Variants in PCDHA7 observed in about 807,000 individuals in gnomAD.
PCDHA7 encodes the protein protocadherin alpha 7.
Under a neutral mutation model 57.2 loss-of-function variants are expected in PCDHA7, and 37 were observed. The ratio of observed to expected loss-of-function variants is 0.65; its 90% confidence interval spans 0.50 to 0.85. PCDHA7 has a LOEUF of 0.85. Among genes scored for constraint, PCDHA7 ranks in the 40% least tolerant of loss-of-function variants. PCDHA7 has a pLI of 0.00. For missense variants in PCDHA7, 1,188 were observed against 1,241.8 expected (o/e 0.96, Z 0.65); for synonymous variants, 553 against 558.8 (o/e 0.99, Z 0.15).
chr5:140,880,739 A>G (rs1349403476), intron 1 of PCDHA7, among the ~76,000 whole-genome samples: 1 of 152,204 alleles, frequency 6.6e-6, no homozygotes, highest in South Asian at 2.1e-4. Context: ...GAGAAAATGG[A>G]TTGTCAGTGT....
intron 3 of PCDHA7, among the ~76,000 whole-genome samples, chr5:140,993,468 A>T (rs1327306188): frequency 7.2e-5 from 5 of 69,412 alleles, no homozygotes; most frequent in Non-Finnish European, 1.2e-4. Flanking sequence ...TTTCTCACAC[A>T]CACACACACA....
intron 1 of PCDHA7, chr5:140,883,657 C>T: frequency 1.2e-6 from 2 of 1,613,594 alleles, no homozygotes; most frequent in Non-Finnish European, 1.7e-6. Context: ...ACACGGTGTT[C>T]GTGAAGGAAA....
chr5:140,931,759 T>C (rs2087738384), intron 1 of PCDHA7, among the ~76,000 whole-genome samples: 2 of 151,994 alleles, frequency 1.3e-5, no homozygotes, highest in African/African-American at 4.8e-5. Flanking sequence ...GCATTTGTTA[T>C]TTACTTCTTC....
intron 1 of PCDHA7, chr5:140,929,118 A>G: frequency 2.5e-6 from 4 of 1,614,150 alleles, no homozygotes; most frequent in Non-Finnish European, 3.4e-6. Flanking sequence ...CAGCCACCAT[A>G]GATGTCACTA....
At chr5:140,915,190 G>A (rs1317793585) in intron 1 of PCDHA7, among the ~76,000 whole-genome samples, 1 of 151,978 alleles carries the variant, frequency 6.6e-6, no homozygotes, top group Non-Finnish European at 1.5e-5. Context: ...CTAGTGATCC[G>A]CCCATCTTGG....
chr5:140,925,027 C>A (rs1238112043), intron 1 of PCDHA7, among the ~76,000 whole-genome samples: 1 of 151,680 alleles, frequency 6.6e-6, no homozygotes, highest in Non-Finnish European at 1.5e-5. Flanking sequence ...GGGAGGATCG[C>A]TTGAGCCCAG....
chr5:140,927,582 G>A lies in PCDHA7; in HGVS notation c.2356-51367G>A, dbSNP rs1554204771. On this transcript the variant is annotated intron_variant, in intron 1 of 3. Transcript: ENST00000525929. ...TTGTGGTGGACACAAATGACAACGCGCCTGTATTTGAGCGCTCCGTATACC... is the reference window on the plus strand; with the variant it reads ...TTGTGGTGGACACAAATGACAACGCACCTGTATTTGAGCGCTCCGTATACC... 3.7e-6 allele frequency: 6 copies of A among 1,614,174 alleles called. No individual in the cohort carries two copies. In the East Asian group the frequency reaches 1.1e-4, roughly 30 times the overall value.
In PCDHA7 at chr5:140,926,182, C is replaced by G. The variant is rs1041630365; in HGVS notation, c.2356-52767C>G. Among the ~76,000 whole-genome samples, 27 of 151,858 alleles carry G rather than the reference C, an allele frequency of 1.8e-4. No individual in the cohort carries two copies. The East Asian group carries it at 2.5e-3, about 14-fold the overall frequency. On this transcript the variant is annotated intron_variant, in intron 1 of 3. Coordinates refer to ENST00000525929, the MANE Select transcript of PCDHA7 (RefSeq NM_018910.3). ...CAGCAGGATCCAGCGCGGAAAGCCC[C>G]CCGCAGCACTTCTTTCGGGGGGCTC...
intron 1 of PCDHA7, among the ~76,000 whole-genome samples, chr5:140,837,977 C>T (rs1377931639): frequency 6.6e-6 from 1 of 151,682 alleles, no homozygotes; most frequent in Non-Finnish European, 1.5e-5. Flanking sequence ...CCACACCCAG[C>T]CTGCCTTTCA....
At chr5:140,969,610 GA>G in intron 1 of PCDHA7, 1 of 723,542 alleles carries the variant, frequency 1.4e-6, no homozygotes, top group East Asian at 2.8e-5. Context: ...CTAAAACACA[GA>G]TTTGTAGAGA....
At chr5:140,854,069 A>G (rs1432539790) in intron 1 of PCDHA7, 1 of 273,288 alleles carries the variant, frequency 3.7e-6, no homozygotes, top group Non-Finnish European at 5.6e-6. Context: ...GGCTGAGGCG[A>G]GAGAATCGCT....
intron 1 of PCDHA7, among the ~76,000 whole-genome samples, chr5:140,971,248 A>G (rs552592175): frequency 6.6e-6 from 1 of 152,330 alleles, no homozygotes; most frequent in East Asian, 1.9e-4. Context: ...AATTTGATAC[A>G]TAAACTATTT....
chr5:140,835,697 T>G lies in PCDHA7; in HGVS notation c.1314T>G (p.Thr438=), dbSNP rs2150242231. 26 of 1,613,776 alleles carry G rather than the reference T, an allele frequency of 1.6e-5. No individual in the cohort carries two copies. The highest frequency in any genetic ancestry group is 6.7e-5 in the African/African-American group (5 of 74,940). Residue 438 remains threonine (T), a synonymous_variant, in exon 1 of 4, where the codon ACT becomes ACG. Coordinates refer to ENST00000525929, the MANE Select transcript of PCDHA7 (RefSeq NM_018910.3). ...RDGGSPSLWA[T]ASVSVEVADV... ...GGGGCTCGCCTTCTCTGTGGGCCAC[T>G]GCTAGCGTGTCCGTGGAGGTGGCCG...
chr5:140,880,747 T>C (rs555658670), intron 1 of PCDHA7, among the ~76,000 whole-genome samples: 16 of 152,334 alleles, frequency 1.1e-4, no homozygotes, highest in African/African-American at 3.8e-4. Context: ...GGATTGTCAG[T>C]GTAACTGCGT....
intron 1 of PCDHA7, among the ~76,000 whole-genome samples, chr5:140,918,473 T>A (rs1385942505): frequency 6.6e-6 from 1 of 152,166 alleles, no homozygotes; most frequent in African/African-American, 2.4e-5. Context: ...ATTCCAAGTC[T>A]CAAGGGGAAT....
chr5:140,920,029 T>G (rs1584162393), intron 1 of PCDHA7, among the ~76,000 whole-genome samples: 1 of 152,118 alleles, frequency 6.6e-6, no homozygotes, highest in African/African-American at 2.4e-5. Flanking sequence ...GAGACAGAGA[T>G]TGGAGTGATG....
At chr5:140,903,487 A>G (rs2070330722) in intron 1 of PCDHA7, among the ~76,000 whole-genome samples, 1 of 152,242 alleles carries the variant, frequency 6.6e-6, no homozygotes, top group South Asian at 2.1e-4. Context: ...TATAGTTCTG[A>G]GCAGGTACCA....
chr5:140,836,475 G>A lies in PCDHA7; in HGVS notation c.2092G>A (p.Val698Met). 1 of 1,613,846 alleles carries A rather than the reference G, an allele frequency of 6.2e-7. No homozygotes were observed. Among genetic ancestry groups the A allele is most frequent in the Non-Finnish European group, 8.5e-7 (1 of 1,179,870 alleles). ...AGAGACCGAGCTGGTGGATGTCAACGTGTACCTGATCATCGCCATCTGCGC... is the reference window on the plus strand; with the variant it reads ...AGAGACCGAGCTGGTGGATGTCAACATGTACCTGATCATCGCCATCTGCGC... ...GPETELVDVN[V>M]YLIIAICAVS... The change falls in exon 1 of 4, where the codon GTG becomes ATG. Residue 698 changes from valine to methionine, a missense_variant. Val to Met is a conservative substitution (Grantham distance 21, BLOSUM62 1). Around this residue, in one of 3 missense-constraint regions of PCDHA7, gnomAD observed 892 missense variants for 788.5 expected, o/e 1.13. Coordinates refer to ENST00000525929, the MANE Select transcript of PCDHA7 (RefSeq NM_018910.3).
At chr5:140,871,596 C>G in intron 1 of PCDHA7, 2 of 1,453,962 alleles carry the variant, frequency 1.4e-6, no homozygotes, top group South Asian at 2.9e-5. Flanking sequence ...TATGAATAAC[C>G]AGTGTTTTGA....
Sources: gnomAD v4.1 joint callset for allele counts (sites outside exome capture counted in the v4.1 genomes callset) on GRCh38, gnomAD v4.1.1 for gene constraint, gnomAD v4.1.1 regional missense constraint, MANE v1.5 for transcripts, NCBI Gene and HGNC (gene_info 2026-07-23, HGNC 2026-07-21) for gene names.